Variants in CEP83 observed in about 807,000 individuals in gnomAD.
The protein encoded by CEP83 is centrosomal protein 83, also known as centrosomal protein of 83 kDa.
A neutral mutation model predicts 101.9 loss-of-function variants in CEP83; 70 were observed. That is an observed-to-expected ratio of 0.69 (90% CI 0.57 to 0.84). The LOEUF (loss-of-function observed/expected upper bound fraction) is 0.84. CEP83 is among the 40% of genes least tolerant of loss of function. The pLI is 0.00. For missense variants in CEP83, 715 were observed against 787.2 expected, an observed-to-expected ratio of 0.91 and a Z score of 1.10; for synonymous variants, 264 against 267.9, an observed-to-expected ratio of 0.99 and a Z score of 0.14.
the CEP83 span, among the ~76,000 whole-genome samples, chr12:94,278,740 G>C: frequency 6.6e-6 from 1 of 152,298 alleles, no homozygotes; most frequent in East Asian, 1.9e-4. Context: ...GCTCACGCCT[G>C]TAATCCTAGC....
intron 11 of CEP83, among the ~76,000 whole-genome samples, chr12:94,338,200 G>A (rs939498168): frequency 6.6e-6 from 1 of 152,188 alleles, no homozygotes; most frequent in Non-Finnish European, 1.5e-5. Flanking sequence ...AGAATAAACT[G>A]TAAGGCTAAG....
chr12:94,385,993 T>C (rs931684677), intron 6 of CEP83, among the ~76,000 whole-genome samples: 6 of 152,208 alleles, frequency 3.9e-5, no homozygotes, highest in African/African-American at 1.4e-4. Flanking sequence ...GGCTGTACCA[T>C]ATAGGATAGG....
At chr12:94,355,420 G>A (rs2060416442) in intron 11 of CEP83, among the ~76,000 whole-genome samples, 1 of 152,126 alleles carries the variant, frequency 6.6e-6, no homozygotes, top group African/African-American at 2.4e-5. Context: ...GTGAACCCAG[G>A]AGGCAGAGCT....
At chr12:94,298,908 T>TG in the CEP83 span, 1 of 1,047,598 alleles carries the variant, frequency 9.5e-7, no homozygotes, top group Non-Finnish European at 1.4e-6. Flanking sequence ...TCAGAATCTT[T>TG]GGGCTTGGTA....
At chr12:94,371,902 C>T (rs2061326685) in intron 8 of CEP83, among the ~76,000 whole-genome samples, 1 of 152,176 alleles carries the variant, frequency 6.6e-6, no homozygotes, top group African/African-American at 2.4e-5. Flanking sequence ...AGACATCCCT[C>T]CAAATTAACT....
At chr12:94,269,346 T>G in the CEP83 span, among the ~76,000 whole-genome samples, 1 of 152,210 alleles carries the variant, frequency 6.6e-6, no homozygotes, top group Non-Finnish European at 1.5e-5. Flanking sequence ...GCAGAAATAT[T>G]AATGCCTCCA....
chr12:94,369,272 G>A (rs1339663535), intron 9 of CEP83: 1 of 152,098 alleles, frequency 6.6e-6, no homozygotes, highest in Non-Finnish European at 1.5e-5. Context: ...GGCTAACACG[G>A]TGAAACGCTG....
At chr12:94,451,035 T>C (rs2067212535) in intron 1 of CEP83, among the ~76,000 whole-genome samples, 1 of 152,240 alleles carries the variant, frequency 6.6e-6, no homozygotes, top group African/African-American at 2.4e-5. Flanking sequence ...TATAGTCAAC[T>C]GATATTTTAC....
At chr12:94,453,648 T>C (rs554630500) in intron 1 of CEP83, among the ~76,000 whole-genome samples, 2 of 152,282 alleles carry the variant, frequency 1.3e-5, no homozygotes, top group Non-Finnish European at 2.9e-5. Context: ...AACCCATATA[T>C]AAGAGAAATA....
Position 94,378,844 on chromosome 12 carries a change from T to C in CEP83, c.748A>G (p.Arg250Gly). Residue 250 changes from arginine (R) to glycine (G), a missense_variant, in exon 7 of 17, where the codon AGA (arginine) becomes GGA (glycine). Coordinates refer to ENST00000397809, the MANE Select transcript of CEP83 (RefSeq NM_016122.3). Reference sequence around the variant, plus strand: ...TCAGCCAACTGCCGCACCTGTATTCTTTGGGCATTTTCCACCTGAGCCTCA... The same window carrying C: ...TCAGCCAACTGCCGCACCTGTATTCCTTGGGCATTTTCCACCTGAGCCTCA... ...NSEAQVENAQ[R>G]IQVRQLAEMQ... 1 of 1,614,128 alleles carries C rather than the reference T, an allele frequency of 6.2e-7. No homozygotes were observed. Among genetic ancestry groups the C allele is most frequent in the Non-Finnish European group, 8.5e-7 (1 of 1,179,988 alleles).
intron 6 of CEP83, among the ~76,000 whole-genome samples, chr12:94,379,486 C>A (rs1443639997): frequency 1.3e-5 from 2 of 152,152 alleles, no homozygotes; most frequent in Non-Finnish European, 2.9e-5. Flanking sequence ...CACACAAAAA[C>A]TGCCTGTCTG....
chr12:94,443,996 A>G (rs1160488629), intron 1 of CEP83, among the ~76,000 whole-genome samples: 2 of 152,142 alleles, frequency 1.3e-5, no homozygotes, highest in Non-Finnish European at 2.9e-5. Context: ...TGTGAATCCT[A>G]CTCTCCCATA....
chr12:94,324,153 G>A lies in CEP83; in HGVS notation c.1707+7547C>T, dbSNP rs2058867349. Among the ~76,000 whole-genome samples, 3 of 152,138 alleles carry A rather than the reference G, an allele frequency of 2.0e-5. No individual in the cohort carries two copies. In the South Asian group the frequency reaches 6.2e-4, roughly 32 times the overall value. On this transcript the variant is annotated intron_variant, in intron 14 of 16. Coordinates refer to ENST00000397809, the MANE Select transcript of CEP83 (RefSeq NM_016122.3). ...ATTCTATCAGGTTCTAATCTCATAA[G>A]TGGAGATGTGTTTCCTCCTTTTCTA...
intron 1 of CEP83, among the ~76,000 whole-genome samples, chr12:94,454,582 A>C (rs1049830569): frequency 7.2e-5 from 11 of 152,228 alleles, no homozygotes; most frequent in African/African-American, 2.4e-4. Context: ...AGGGAAGAAG[A>C]GCTAGGCACC....
At chr12:94,392,123 C>T (rs2062584096) in intron 6 of CEP83, among the ~76,000 whole-genome samples, 1 of 152,172 alleles carries the variant, frequency 6.6e-6, no homozygotes, top group African/African-American at 2.4e-5. Context: ...TTGAACTCAG[C>T]TCTGCAACAA....
chr12:94,350,315 G>T (rs1034716825), intron 11 of CEP83, among the ~76,000 whole-genome samples: 31 of 152,052 alleles, frequency 2.0e-4, no homozygotes, highest in African/African-American at 7.2e-4. Context: ...ATAGAATACA[G>T]AATGAGTAAA....
At chr12:94,321,861 T>C (rs1451763229) in intron 14 of CEP83, among the ~76,000 whole-genome samples, 3 of 151,874 alleles carry the variant, frequency 2.0e-5, no homozygotes, top group South Asian at 4.1e-4. Flanking sequence ...ACGTGCTCAG[T>C]GAGGAGATAT....
intron 14 of CEP83, 93 bp from the exon 15 acceptor site, chr12:94,313,110 T>G: frequency 1.8e-6 from 1 of 569,614 alleles, no homozygotes; most frequent in Non-Finnish European, 3.0e-6. Context: ...AAAACTGTGT[T>G]TAGATATGAA....
intron 14 of CEP83, among the ~76,000 whole-genome samples, chr12:94,316,306 G>A (rs1970674484): frequency 6.6e-6 from 1 of 152,046 alleles, no homozygotes; most frequent in African/African-American, 2.4e-5. Context: ...AAAATAACTA[G>A]TATTTGTTAC....
Sources: allele counts gnomAD v4.1 joint callset (sites outside exome capture counted in the v4.1 genomes callset), GRCh38; gene constraint gnomAD v4.1.1; transcripts MANE v1.5; gene names NCBI Gene and HGNC (gene_info 2026-07-23, HGNC 2026-07-21).